APOC1: variants seen among roughly 807,000 people sequenced by gnomAD.
APOC1 encodes the protein apolipoprotein C-I.
APOC1 carries 4 observed loss-of-function variants against 6.7 expected under a neutral mutation model. The observed-to-expected ratio is 0.60, with a 90% CI of 0.29 to 1.37. APOC1 has a LOEUF of 1.37. Among genes scored for constraint, APOC1 ranks in the 40% most tolerant of loss-of-function variants. APOC1 has a pLI of 0.09. For synonymous variants in APOC1, 33 were observed against 40.6 expected (o/e 0.81, Z 0.72); for missense variants, 122 against 99.4 (o/e 1.23, Z -0.97).
chr19:44,917,405 T>TC (rs1198799752), intron 3 of APOC1, among the ~76,000 whole-genome samples: 1 of 151,664 alleles, frequency 6.6e-6, no homozygotes. Context: ...GAGAACCCCG[T>TC]CCCTAATAGA....
chr19:44,914,553 C>T (rs992647685), upstream of APOC1: 1 of 312,786 alleles, frequency 3.2e-6, no homozygotes, highest in Non-Finnish European at 6.1e-6. Flanking sequence ...CCACCTGACC[C>T]CAACGCTCAC....
Position 44,916,149 on chromosome 19 carries a change from A to AAAAAAAAC in APOC1, c.59-37_59-30dup, listed in dbSNP as rs1555791341. The stretch of plus-strand genomic sequence containing the variant: ...AAGACTCCATCTCCAAAAAAAAAAA[A>AAAAAAAAC]AAAAAAACAAATTTTGAACCCCTGC... On this transcript the variant is annotated intron_variant, in intron 2 of 3. Coordinates refer to ENST00000592535, the MANE Select transcript of APOC1 (RefSeq NM_001645.5). 8 of 1,513,612 alleles carry AAAAAAAAC rather than the reference A, an allele frequency of 5.3e-6. No homozygotes were observed. In the East Asian group the frequency reaches 9.5e-5, roughly 18 times the overall value. 93.8% of individuals were successfully genotyped at this position (1,513,612 alleles called of 1,614,324 possible).
rs1970060664 is a variant in APOC1, at chr19:44,919,268, A to G, written c.*38A>G. On this transcript the variant is annotated 3_prime_UTR_variant, in exon 4 of 4. Coordinates refer to ENST00000592535, the MANE Select transcript of APOC1 (RefSeq NM_001645.5). ...TGACATCCCAGGAGGGGCCTCTGAA[A>G]TTTCCCACACCCCAGCGCCTGTGCT... The G allele has an allele frequency of 6.3e-7, 1 of 1,587,666 alleles. No individual in the cohort carries two copies. Among genetic ancestry groups the G allele is most frequent in the Admixed American group, 1.7e-5 (1 of 59,908 alleles).
intron 2 of APOC1, among the ~76,000 whole-genome samples, chr19:44,915,455 C>T (rs1401200766): frequency 6.6e-6 from 1 of 151,640 alleles, no homozygotes; most frequent in African/African-American, 2.4e-5. Flanking sequence ...GGACTACAGG[C>T]GCCCGCCACC....
upstream of APOC1, chr19:44,914,498 G>A (rs958729504): frequency 1.8e-5 from 4 of 218,068 alleles, no homozygotes; most frequent in Non-Finnish European, 3.7e-5. Flanking sequence ...AGGTGAGAGT[G>A]CTGAACGGGG....
intron 3 of APOC1, among the ~76,000 whole-genome samples, chr19:44,916,808 T>G: frequency 2.4e-5 from 1 of 41,728 alleles, no homozygotes; most frequent in African/African-American, 7.7e-5. Context: ...AGACTCTGTC[T>G]CAAAAAAAAA....
chr19:44,915,315 CTTT>C (rs898326230), intron 2 of APOC1: 91 of 132,352 alleles, frequency 6.9e-4, no homozygotes, highest in African/African-American at 1.6e-3. Context: ...CCTCCCCATT[CTTT>C]TTTTTTTTTT....
At chr19:44,914,513 G>A (rs1381288231), upstream of APOC1, 1 of 237,314 alleles carries the variant, frequency 4.2e-6, no homozygotes, top group East Asian at 9.7e-5. Context: ...ACGGGGAGGG[G>A]CTTTGGGGCT....
chr19:44,916,766 G>A (rs916473668), intron 3 of APOC1, among the ~76,000 whole-genome samples: 4 of 134,594 alleles, frequency 3.0e-5, no homozygotes, highest in Non-Finnish European at 6.1e-5. Context: ...GTTACAGTGA[G>A]CCAACATTGT....
chr19:44,914,770 A>T lies in APOC1; in HGVS notation c.-21+37A>T, dbSNP rs1969973213. ...GTGCCTGGGAGGGACACCCGCCTACACTCTGCAAGAAACTCAAAAAGGGAG... is the reference window on the plus strand; with the variant it reads ...GTGCCTGGGAGGGACACCCGCCTACTCTCTGCAAGAAACTCAAAAAGGGAG... On this transcript the variant is annotated intron_variant, in intron 1 of 3. Transcript: ENST00000592535. The T allele has an allele frequency of 2.9e-5, 30 of 1,021,470 alleles. No individual in the cohort carries two copies. In the South Asian group the frequency reaches 3.7e-4, roughly 13 times the overall value. The allele number at this position is 1,021,470 out of a possible 1,614,324, so 63.3% of individuals were successfully genotyped here. A position where few individuals can be genotyped will look rare whatever the true frequency, so the allele number is the denominator to read the frequency against.
intron 2 of APOC1, chr19:44,915,322 T>C (rs1969984750): frequency 6.0e-6 from 1 of 167,584 alleles, no homozygotes; most frequent in Non-Finnish European, 1.3e-5. Flanking sequence ...ATTCTTTTTT[T>C]TTTTTTTTTT....
chr19:44,919,035 A>G, intron 3 of APOC1, 138 bp from the exon 4 acceptor site: 1 of 792,164 alleles, frequency 1.3e-6, no homozygotes, highest in Non-Finnish European at 2.1e-6. Flanking sequence ...CACCCAGCCC[A>G]GCGGTCCTCC....
At chr19:44,915,084 G>A (rs746999424) in intron 2 of APOC1, 135 bp downstream of exon 2, 7 of 917,212 alleles carry the variant, frequency 7.6e-6, no homozygotes, top group Admixed American at 4.1e-5. Flanking sequence ...CATCGTGGTC[G>A]GGTGGGTCTC....
chr19:44,918,115 A>G (rs1970040036), intron 3 of APOC1, among the ~76,000 whole-genome samples: 1 of 149,318 alleles, frequency 6.7e-6, no homozygotes, highest in Non-Finnish European at 1.5e-5. Flanking sequence ...TAAAAATACA[A>G]AAATTAGCTG....
intron 3 of APOC1, 46 bp from the exon 4 acceptor site, chr19:44,919,127 G>T (rs1408039770): frequency 6.5e-7 from 1 of 1,540,370 alleles, no homozygotes; most frequent in East Asian, 2.3e-5. Context: ...GGACAGCCTG[G>T]GAGGTAGCTG....
chr19:44,917,539 C>T (rs1970030675), intron 3 of APOC1, among the ~76,000 whole-genome samples: 2 of 150,944 alleles, frequency 1.3e-5, no homozygotes, highest in Admixed American at 1.3e-4. Flanking sequence ...GTTTGTGCCA[C>T]TGCATTCCAG....
chr19:44,915,665 G>T (rs1969991460), intron 2 of APOC1, among the ~76,000 whole-genome samples: 2 of 150,602 alleles, frequency 1.3e-5, no homozygotes, highest in South Asian at 4.2e-4. Context: ...AACCTAAGGG[G>T]GTTCCAATAA....
intron 3 of APOC1, 30 bp downstream of exon 3, chr19:44,916,355 C>G: frequency 6.2e-7 from 1 of 1,611,438 alleles, no homozygotes; most frequent in Non-Finnish European, 8.5e-7. Context: ...CACGGGAGAG[C>G]TGGGGTGTGT....
At position 44,919,285 on chromosome 19, in the gene APOC1, G is replaced by T; in HGVS notation, c.*55G>T. 1 of 1,520,976 alleles carries T rather than the reference G, an allele frequency of 6.6e-7. No homozygotes were observed. The highest frequency in any genetic ancestry group is 9.1e-7 in the Non-Finnish European group (1 of 1,095,982). The allele number at this position is 1,520,976 out of a possible 1,614,324, so 94.2% of individuals were successfully genotyped here. On this transcript the variant is annotated 3_prime_UTR_variant, in exon 4 of 4. Coordinates refer to ENST00000592535, the MANE Select transcript of APOC1 (RefSeq NM_001645.5). Reference sequence around the variant, plus strand: ...CCTCTGAAATTTCCCACACCCCAGCGCCTGTGCTGAGGACTCCCTCCATGT... The same window carrying T: ...CCTCTGAAATTTCCCACACCCCAGCTCCTGTGCTGAGGACTCCCTCCATGT...
Sources: allele counts gnomAD v4.1 joint callset (sites outside exome capture counted in the v4.1 genomes callset), GRCh38; gene constraint gnomAD v4.1.1; transcripts MANE v1.5; gene names NCBI Gene and HGNC (gene_info 2026-07-23, HGNC 2026-07-21).